Variants in BICRA observed in about 807,000 individuals in gnomAD.
BICRA encodes the protein BRD4-interacting chromatin-remodeling complex-associated protein.
Under a neutral mutation model 96.9 loss-of-function variants are expected in BICRA, and 31 were observed. The ratio of observed to expected loss-of-function variants is 0.32; its 90% CI spans 0.24 to 0.43. BICRA has a LOEUF of 0.43. Ranked by LOEUF, BICRA falls within the 20% of genes least tolerant of loss-of-function variation. The pLI is 1.00. For synonymous variants in BICRA, 1,350 were observed against 1,071.8 expected (o/e 1.26, Z -5.07); for missense variants, 2,283 against 2,190.3 (o/e 1.04, Z -0.84).
At position 47,620,231 on chromosome 19, in the gene BICRA, C is replaced by G. The variant is rs1211462357; in HGVS notation, c.-108+11063C>G. On this transcript the variant is annotated intron_variant, in intron 1 of 14. Transcript: ENST00000594866. ...AGATGAGAAGGGAGGGCTGTGTTTCCTGTGTTCTCAGCTCCTGGTGTGCAG... is the reference window on the plus strand; with the variant it reads ...AGATGAGAAGGGAGGGCTGTGTTTCGTGTGTTCTCAGCTCCTGGTGTGCAG... Among the ~76,000 whole-genome samples the G allele has an allele frequency of 2.0e-5, 3 of 152,136 alleles. 1 individual carries two copies. Among genetic ancestry groups the G allele is most frequent in the Non-Finnish European group, 4.4e-5 (3 of 68,028 alleles).
intron 7 of BICRA, among the ~76,000 whole-genome samples, chr19:47,683,521 C>T (rs1973097381): frequency 6.6e-6 from 1 of 151,542 alleles, no homozygotes; most frequent in Non-Finnish European, 1.5e-5. Flanking sequence ...GAAAATTAGC[C>T]TTTTGTCTTA....
At chr19:47,643,913 C>G (rs1040492497) in intron 1 of BICRA, among the ~76,000 whole-genome samples, 7 of 152,146 alleles carry the variant, frequency 4.6e-5, no homozygotes, top group African/African-American at 1.7e-4. Flanking sequence ...TTTTGTAGAC[C>G]TAGAAACTGA....
chr19:47,617,114 C>T (rs1383292990), intron 1 of BICRA, among the ~76,000 whole-genome samples: 1 of 151,626 alleles, frequency 6.6e-6, no homozygotes, highest in Non-Finnish European at 1.5e-5. Context: ...AAACATGAGC[C>T]ACCATACCAG....
intron 1 of BICRA, among the ~76,000 whole-genome samples, chr19:47,645,080 T>C (rs1028650622): frequency 7.9e-5 from 12 of 152,260 alleles, no homozygotes; most frequent in African/African-American, 2.4e-4. Context: ...ATGCAGCCAC[T>C]CTCCGTATTC....
intron 4 of BICRA, among the ~76,000 whole-genome samples, chr19:47,674,276 G>T (rs1018460422): frequency 4.5e-5 from 5 of 112,338 alleles, no homozygotes; most frequent in African/African-American, 1.5e-4. Flanking sequence ...GGGAAAACTA[G>T]TAGGAGGTGA....
At chr19:47,623,046 A>AG (rs1972088619) in intron 1 of BICRA, among the ~76,000 whole-genome samples, 1 of 152,012 alleles carries the variant, frequency 6.6e-6, no homozygotes, top group Non-Finnish European at 1.5e-5. Flanking sequence ...CAAAAAAAAA[A>AG]AAGTGTGTGT....
At chr19:47,623,014 G>A (rs1972088135) in intron 1 of BICRA, among the ~76,000 whole-genome samples, 1 of 151,528 alleles carries the variant, frequency 6.6e-6, no homozygotes, top group African/African-American at 2.4e-5. Flanking sequence ...TCCAGCCTGG[G>A]TGACAGAACG....
At chr19:47,664,415 G>A (rs138138068) in intron 1 of BICRA, among the ~76,000 whole-genome samples, 174 of 152,252 alleles carry the variant, frequency 1.1e-3, no homozygotes, top group African/African-American at 3.9e-3. Flanking sequence ...TTTCAGGCCC[G>A]GCCTTTCCTG....
At position 47,623,351 on chromosome 19, in the gene BICRA, G is replaced by A. The variant is rs920112092; in HGVS notation, c.-108+14183G>A. On this transcript the variant is annotated intron_variant, in intron 1 of 14. Transcript: ENST00000594866. ...TCCCTGCTGCTCCTCCCTGCTGTGC[G>A]CTCCATGGGCTGCAGGTAGTACAGT... Among the ~76,000 whole-genome samples the A allele has an allele frequency of 2.6e-5, 4 of 152,170 alleles. No individual in the cohort carries two copies. The East Asian group carries it at 7.7e-4, about 29-fold the overall frequency.
At chr19:47,696,544 C>A in intron 11 of BICRA, 32 bp downstream of exon 11, 1 of 1,568,848 alleles carries the variant, frequency 6.4e-7, no homozygotes, top group Non-Finnish European at 8.7e-7. Flanking sequence ...GCATGCCTGC[C>A]CTGTACCTTC....
At chr19:47,631,845 C>T (rs531276861) in intron 1 of BICRA, among the ~76,000 whole-genome samples, 3 of 152,212 alleles carry the variant, frequency 2.0e-5, no homozygotes, top group Admixed American at 6.5e-5. Flanking sequence ...GACGGGGTTT[C>T]GCCATATTGG....
chr19:47,639,349 C>G (rs1481215440), intron 1 of BICRA, among the ~76,000 whole-genome samples: 1 of 82,516 alleles, frequency 1.2e-5, no homozygotes, highest in African/African-American at 5.8e-5. Flanking sequence ...TTTTTTGAGA[C>G]AGAGTCTCGC....
intron 1 of BICRA, among the ~76,000 whole-genome samples, chr19:47,624,628 A>G (rs1972113471): frequency 6.6e-6 from 1 of 152,144 alleles, no homozygotes; most frequent in African/African-American, 2.4e-5. Flanking sequence ...TCAGTTCGTA[A>G]AAAAATGCTG....
At chr19:47,685,786 T>TGTGTGTGTGTGTGTGTGTGTGTGC in intron 7 of BICRA, among the ~76,000 whole-genome samples, 3 of 117,970 alleles carry the variant, frequency 2.5e-5, no homozygotes, top group African/African-American at 7.2e-5. Flanking sequence ...TGTGTGTGTG[T>TGTGTGTGTGTGTGTGTGTGTGTGC]GCGCGCGCGC....
chr19:47,671,972 G>A (rs1972870492), intron 2 of BICRA, among the ~76,000 whole-genome samples: 1 of 140,032 alleles, frequency 7.1e-6, no homozygotes, highest in African/African-American at 2.7e-5. Flanking sequence ...AGGATGGAGG[G>A]GTGGGTGGGT....
At chr19:47,609,949 A>G (rs1971874448) in intron 1 of BICRA, among the ~76,000 whole-genome samples, 1 of 95,838 alleles carries the variant, frequency 1.0e-5, no homozygotes, top group East Asian at 2.8e-4. Flanking sequence ...CTCATCCCGG[A>G]GGGGGCCGTT....
chr19:47,658,273 C>G (rs981051968), intron 1 of BICRA, among the ~76,000 whole-genome samples: 1 of 152,096 alleles, frequency 6.6e-6, no homozygotes, highest in Non-Finnish European at 1.5e-5. Context: ...TCTAAATTAG[C>G]CTTCCTGAGC....
Position 47,701,977 on chromosome 19 carries a change from G to A in BICRA, c.4245G>A (p.Ala1415=). The A allele has an allele frequency of 1.4e-6, 2 of 1,467,690 alleles. No homozygotes were observed. The highest frequency in any genetic ancestry group is 1.8e-6 in the Non-Finnish European group (2 of 1,119,768). 90.9% of individuals were successfully genotyped at this position (1,467,690 alleles called of 1,614,324 possible). Residue 1415 remains alanine, a synonymous_variant, in exon 15 of 15, where the codon GCG becomes GCA. Coordinates refer to ENST00000594866, the MANE Select transcript of BICRA (RefSeq NM_001394372.1). This position sits in a 1 kb window ranked among gnomAD's most constrained non-coding sequence, Gnocchi z 5.4. Reference sequence around the variant, plus strand: ...GCAGGGCACGGGGAGGCAGCCCGGCGCCGCTGCCCGCCAAAGTGGACGAGG... The same window carrying A: ...GCAGGGCACGGGGAGGCAGCCCGGCACCGCTGCCCGCCAAAGTGGACGAGG... ...PAGRARGGSP[A]PLPAKVDEAT... is the part of the protein sequence containing the mutation.
Position 47,699,473 on chromosome 19 carries a change from G to C in BICRA, c.3595+68G>C, listed in dbSNP as rs528518268. 1.2e-4 allele frequency: 105 copies of C among 912,014 alleles called. No homozygotes were observed. The African/African-American group carries it at 1.6e-3, about 13-fold the overall frequency. 56.5% of individuals were successfully genotyped at this position (912,014 alleles called of 1,614,324 possible). The stretch of plus-strand genomic sequence containing the variant: ...CCACCCCACCTGGGCAGAAGAGTTA[G>C]ATTCAGGGCGGGGAGTGGGTGTGTG... On this transcript the variant is annotated intron_variant, in intron 14 of 14. Transcript: ENST00000594866. This position sits in a 1 kb window ranked among gnomAD's most constrained non-coding sequence, Gnocchi z 5.0.
Sources: gnomAD v4.1 joint callset for allele counts (sites outside exome capture counted in the v4.1 genomes callset) on GRCh38, gnomAD v4.1.1 for gene constraint, Gnocchi (gnomAD v3.1) non-coding constraint, MANE v1.5 for transcripts, NCBI Gene and HGNC (gene_info 2026-07-23, HGNC 2026-07-21) for gene names.